DMXL1: variants seen among roughly 807,000 people sequenced by gnomAD.
DMXL1 encodes Dmx like 1.
Under a neutral mutation model 319.2 loss-of-function variants are expected in DMXL1, and 99 were observed. The observed-to-expected ratio is 0.31, with a 90% CI of 0.26 to 0.37. DMXL1 has a LOEUF of 0.37. Among genes scored for constraint, DMXL1 ranks in the 10% least tolerant of loss-of-function variants. The pLI, the probability that DMXL1 is intolerant of heterozygous loss-of-function variation, is 1.00. For synonymous variants in DMXL1, 1,385 were observed against 1,235.2 expected (o/e 1.12, Z -2.54); for missense variants, 3,745 against 3,595.6 (o/e 1.04, Z -1.06).
intron 1 of DMXL1, among the ~76,000 whole-genome samples, chr5:119,077,969 A>C (rs1352681843): frequency 6.6e-6 from 1 of 151,306 alleles, no homozygotes. Context: ...TCCTGAGCTC[A>C]AGCAGTCCAC....
At chr5:119,155,591 C>G (rs1561746009) in intron 19 of DMXL1, among the ~76,000 whole-genome samples, 1 of 152,076 alleles carries the variant, frequency 6.6e-6, no homozygotes, top group Non-Finnish European at 1.5e-5. Flanking sequence ...GTAATCTCAA[C>G]ACTTTGGGAT....
At chr5:119,223,265 C>T (rs1029297974) in intron 37 of DMXL1, among the ~76,000 whole-genome samples, 1 of 152,032 alleles carries the variant, frequency 6.6e-6, no homozygotes, top group Non-Finnish European at 1.5e-5. Context: ...CCATGTTGGC[C>T]AGGCTGGTCT....
At chr5:119,137,539 C>T (rs116177954) in intron 13 of DMXL1, among the ~76,000 whole-genome samples, 6,885 of 152,182 alleles carry the variant, frequency 0.045, 228 homozygotes, top group South Asian at 0.073. Flanking sequence ...AATCTCATTT[C>T]GAATTATAAT....
chr5:119,213,068 A>G (rs1783082644), intron 34 of DMXL1, among the ~76,000 whole-genome samples: 1 of 152,202 alleles, frequency 6.6e-6, no homozygotes. Context: ...CTCACTTTAC[A>G]TTTATTAGCA....
At chr5:119,164,480 T>C (rs746509086) in intron 19 of DMXL1, 27 bp from the exon 20 acceptor site, 22 of 1,596,032 alleles carry the variant, frequency 1.4e-5, no homozygotes, top group Middle Eastern at 3.3e-4. Flanking sequence ...ATAATTCTTA[T>C]AAACATCATT....
chr5:119,197,992 G>T (rs746061687), intron 32 of DMXL1, 36 bp downstream of exon 32: 4 of 1,602,082 alleles, frequency 2.5e-6, no homozygotes, highest in South Asian at 2.2e-5. Flanking sequence ...GGGTTTTTTT[G>T]TTTGTTTGTT....
intron 41 of DMXL1, 134 bp downstream of exon 41, chr5:119,239,214 A>G (rs1413162919): frequency 2.0e-6 from 2 of 981,600 alleles, no homozygotes; most frequent in Non-Finnish European, 2.9e-6. Flanking sequence ...ACTATTATTT[A>G]TTGGCCATGT....
intron 1 of DMXL1, among the ~76,000 whole-genome samples, chr5:119,095,512 T>G (rs1333878380): frequency 2.0e-5 from 3 of 152,244 alleles, no homozygotes; most frequent in African/African-American, 4.8e-5. Flanking sequence ...ACGTAATATC[T>G]GAAATTAGGT....
intron 20 of DMXL1, 111 bp downstream of exon 20, chr5:119,164,787 A>G (rs1303546114): frequency 1.1e-6 from 1 of 937,260 alleles, no homozygotes; most frequent in East Asian, 2.6e-5. Flanking sequence ...AAGCAGCAAA[A>G]GGCTTTTGAA....
intron 1 of DMXL1, among the ~76,000 whole-genome samples, chr5:119,073,221 G>A (rs376198255): frequency 6.6e-6 from 1 of 152,054 alleles, no homozygotes; most frequent in African/African-American, 2.4e-5. Flanking sequence ...AATCACCACG[G>A]CTGGCTAAGT....
chr5:119,129,145 T>C, intron 9 of DMXL1, 66 bp from the exon 10 acceptor site: 1 of 948,548 alleles, frequency 1.1e-6, no homozygotes, highest in Non-Finnish European at 1.6e-6. Context: ...AATAAAAATA[T>C]GAAACATGGA....
chr5:119,241,186 G>T (rs1788720302), intron 42 of DMXL1, among the ~76,000 whole-genome samples: 1 of 152,160 alleles, frequency 6.6e-6, no homozygotes, highest in Non-Finnish European at 1.5e-5. Flanking sequence ...ATACAGTAGT[G>T]TACTGTATTT....
intron 9 of DMXL1, among the ~76,000 whole-genome samples, chr5:119,123,916 G>T (rs1399661683): frequency 6.7e-6 from 1 of 149,166 alleles, no homozygotes; most frequent in Non-Finnish European, 1.5e-5. Context: ...GATTTAATGT[G>T]ATACTTAAAT....
chr5:119,123,168 C>A (rs192640139), intron 9 of DMXL1, among the ~76,000 whole-genome samples: 1 of 151,936 alleles, frequency 6.6e-6, no homozygotes, highest in Non-Finnish European at 1.5e-5. Context: ...TCAGGCGTAG[C>A]GGCGCGCGCC....
intron 35 of DMXL1, among the ~76,000 whole-genome samples, chr5:119,219,206 G>T (rs113635392): frequency 0.037 from 5,679 of 152,246 alleles, 130 homozygotes; most frequent in Non-Finnish European, 0.058. Flanking sequence ...CACATAGTAG[G>T]TTATATTACA....
At chr5:119,178,464 T>C (rs866779503) in intron 28 of DMXL1, 42 of 408,836 alleles carry the variant, frequency 1.0e-4, no homozygotes, top group Middle Eastern at 1.2e-3. Flanking sequence ...AACGATCTTA[T>C]GTAAATTTAT....
chr5:119,170,260 G>C lies in DMXL1; in HGVS notation c.5469G>C (p.Leu1823Phe). ...ATTATCTAAGAACACATCCTCTTTT[G>C]CTGAGACGTCATTTTGGATCATCTG... ...FYNYLRTHPL[L>F]LRRHFGSSDT... The change falls in exon 24 of 44, where the codon TTG (leucine) becomes TTC (phenylalanine). Residue 1823 changes from leucine to phenylalanine, a missense_variant. By Grantham distance (22) the Leu-to-Phe change is conservative (BLOSUM62 0). Around this residue, in one of 4 missense-constraint regions of DMXL1, gnomAD observed 1,382 missense variants for 1,269.5 expected, o/e 1.09. Coordinates refer to ENST00000539542, the MANE Select transcript of DMXL1 (RefSeq NM_001290321.3). 6.2e-7 allele frequency: 1 copy of C among 1,613,582 alleles called. No individual in the cohort carries two copies. Among genetic ancestry groups the C allele is most frequent in the Non-Finnish European group, 8.5e-7 (1 of 1,179,850 alleles).
chr5:119,101,187 A>G (rs1189221267), intron 2 of DMXL1, among the ~76,000 whole-genome samples: 1 of 152,168 alleles, frequency 6.6e-6, no homozygotes, highest in African/African-American at 2.4e-5. Context: ...CTCCAGATCA[A>G]TGCAGCACAA....
intron 15 of DMXL1, among the ~76,000 whole-genome samples, chr5:119,145,148 G>A (rs1768233799): frequency 6.6e-6 from 1 of 151,760 alleles, no homozygotes; most frequent in Non-Finnish European, 1.5e-5. Context: ...TGCGATTACA[G>A]AGCCAAACCA....
Sources: gnomAD v4.1 joint callset for allele counts (sites outside exome capture counted in the v4.1 genomes callset) on GRCh38, gnomAD v4.1.1 for gene constraint, gnomAD v4.1.1 regional missense constraint, MANE v1.5 for transcripts, NCBI Gene and HGNC (gene_info 2026-07-23, HGNC 2026-07-21) for gene names.